The following PINX1 variants were observed in gnomAD, a reference collection of about 807,000 sequenced individuals.
PINX1 encodes PIN2 (TERF1) interacting telomerase inhibitor 1.
PINX1 carries 34 observed loss-of-function variants against 25.4 expected under a neutral mutation model. That is an observed-to-expected ratio of 1.34 (90% CI 1.02 to 1.78). PINX1 has a LOEUF of 1.78. Ranked by LOEUF, PINX1 falls within the 40% of genes most tolerant of loss-of-function variation. PINX1 has a pLI of 0.00. For synonymous variants in PINX1, 197 were observed against 147.7 expected, an observed-to-expected ratio of 1.33 and a Z score of -2.42; for missense variants, 592 against 404.9, an observed-to-expected ratio of 1.46 and a Z score of -3.97.
intron 1 of PINX1, 100 bp downstream of exon 1, chr8:10,839,638 G>C (rs1798509291): frequency 5.6e-6 from 7 of 1,239,868 alleles, no homozygotes; most frequent in Non-Finnish European, 8.1e-6. Context: ...TGCGCCAGGC[G>C]CGCCGGCAAC....
intron 6 of PINX1, among the ~76,000 whole-genome samples, chr8:10,792,958 G>A (rs1449164337): frequency 6.6e-6 from 1 of 152,124 alleles, no homozygotes; most frequent in Non-Finnish European, 1.5e-5. Flanking sequence ...ACCGCACACT[G>A]CACCTCAGCC....
rs1459168375 is a variant in PINX1 at position 10,831,763 on chromosome 8, G to T, written c.223-20C>A. On this transcript the variant is annotated intron_variant, in intron 3 of 6. Transcript: ENST00000314787. ...GTTGTCCTGAAAATATCAAAGAAAT[G>T]AACGAGAGGTAAGCCTGTAGTTTAC... 6.9e-7 allele frequency: 1 copy of T among 1,455,126 alleles called. No individual in the cohort carries two copies. The highest frequency in any genetic ancestry group is 9.5e-7 in the Non-Finnish European group (1 of 1,048,944). 90.1% of individuals were successfully genotyped at this position (1,455,126 alleles called of 1,614,324 possible).
chr8:10,800,440 G>A (rs1802230427), intron 6 of PINX1, among the ~76,000 whole-genome samples: 1 of 150,980 alleles, frequency 6.6e-6, no homozygotes, highest in African/African-American at 2.4e-5. Context: ...ATAGAATGGA[G>A]TTTATTTACA....
intron 6 of PINX1, among the ~76,000 whole-genome samples, chr8:10,803,737 G>T (rs1219568941): frequency 1.3e-5 from 2 of 152,158 alleles, no homozygotes; most frequent in South Asian, 4.1e-4. Context: ...TACTTCCGTG[G>T]TACTAAGGCT....
At chr8:10,783,969 C>T (rs10096939) in intron 6 of PINX1, among the ~76,000 whole-genome samples, 30,727 of 152,044 alleles carry the variant, frequency 0.2, 4,506 homozygotes, top group African/African-American at 0.41. Context: ...ATTTTATTCA[C>T]TAATGTTAAG....
At chr8:10,766,479 A>C (rs1396150952) in intron 6 of PINX1, among the ~76,000 whole-genome samples, 1 of 152,160 alleles carries the variant, frequency 6.6e-6, no homozygotes, top group Non-Finnish European at 1.5e-5. Flanking sequence ...TTTCTCCCCC[A>C]AAGGTGGAGC....
At chr8:10,801,995 AAGATGCAATGC>A (rs1359514483) in intron 6 of PINX1, among the ~76,000 whole-genome samples, 1 of 152,202 alleles carries the variant, frequency 6.6e-6, no homozygotes, top group Non-Finnish European at 1.5e-5. Flanking sequence ...GGAGAAGCAG[AAGATGCAATGC>A]ATGCCGTACA....
intron 6 of PINX1, among the ~76,000 whole-genome samples, chr8:10,772,097 T>C (rs981055317): frequency 2.0e-5 from 3 of 152,234 alleles, no homozygotes; most frequent in African/African-American, 4.8e-5. Flanking sequence ...ACACAAGCAA[T>C]GCCAGTAGAG....
In PINX1 at chr8:10,775,410, GTTTTTTTTTTTTT is replaced by G. The variant is rs143926728; in HGVS notation, c.472-9507_472-9495del. ...AAGGATTAGTTCTGTCTGTTTTGTG[GTTTTTTTTTTTTT>G]TTTTTTTTTTTTTTTTTGCCTTTAA... is the stretch of plus-strand genomic sequence containing the variant. On this transcript the variant is annotated intron_variant, in intron 6 of 6. Coordinates refer to ENST00000314787, the MANE Select transcript of PINX1 (RefSeq NM_017884.6). 7.2e-4 allele frequency among the ~76,000 whole-genome samples: 79 copies of G among 109,616 alleles called. 1 individual carries two copies. In the East Asian group the frequency reaches 0.019, roughly 26 times the overall value. The allele number at this position is 109,616 out of a possible 152,430, so 71.9% of individuals were successfully genotyped here. A position where few individuals can be genotyped will look rare whatever the true frequency, so the allele number is the denominator to read the frequency against.
At chr8:10,786,423 G>A (rs936817123) in intron 6 of PINX1, among the ~76,000 whole-genome samples, 1 of 152,176 alleles carries the variant, frequency 6.6e-6, no homozygotes, top group Non-Finnish European at 1.5e-5. Context: ...CGGTTCAAAC[G>A]TGACATTTCC....
At chr8:10,788,331 G>A (rs1037491024) in intron 6 of PINX1, among the ~76,000 whole-genome samples, 2 of 152,172 alleles carry the variant, frequency 1.3e-5, no homozygotes, top group Non-Finnish European at 2.9e-5. Flanking sequence ...GGAGGCCAAG[G>A]CAGGCAGATC....
At chr8:10,795,536 G>C (rs1157626604) in intron 6 of PINX1, among the ~76,000 whole-genome samples, 1 of 152,182 alleles carries the variant, frequency 6.6e-6, no homozygotes, top group Non-Finnish European at 1.5e-5. Context: ...AAGTAGCTGG[G>C]ACTACAGGCA....
rs993649086 is a variant in PINX1 at position 10,770,662 on chromosome 8, A to C, written c.472-4746T>G. Among the ~76,000 whole-genome samples the C allele has an allele frequency of 2.0e-5, 3 of 152,218 alleles. No homozygotes were observed. In the East Asian group the frequency reaches 5.8e-4, roughly 29 times the overall value. Reference sequence around the variant, plus strand: ...AATGCCCAAATAGAGAGGATTCTCCATTATTCTCAAAAGAATCTTTTGGGG... The same window carrying C: ...AATGCCCAAATAGAGAGGATTCTCCCTTATTCTCAAAAGAATCTTTTGGGG... On this transcript the variant is annotated intron_variant, in intron 6 of 6. Coordinates refer to ENST00000314787, the MANE Select transcript of PINX1 (RefSeq NM_017884.6).
intron 6 of PINX1, among the ~76,000 whole-genome samples, chr8:10,773,145 C>T (rs1801282507): frequency 6.6e-6 from 1 of 152,200 alleles, no homozygotes; most frequent in Non-Finnish European, 1.5e-5. Context: ...AAAATCGGCT[C>T]TGTGACTGTG....
intron 6 of PINX1, among the ~76,000 whole-genome samples, chr8:10,817,990 G>C (rs2409656): frequency 0.26 from 39,645 of 152,050 alleles, 5,493 homozygotes; most frequent in Non-Finnish European, 0.28. Context: ...GACCCTGACC[G>C]AAGATTTAAT....
At chr8:10,778,838 T>C (rs2129073242) in intron 6 of PINX1, among the ~76,000 whole-genome samples, 1 of 152,322 alleles carries the variant, frequency 6.6e-6, no homozygotes, top group African/African-American at 2.4e-5. Flanking sequence ...GTTAAATCTT[T>C]GTTTTGTCCC....
At chr8:10,838,114 C>G (rs1275349419) in intron 1 of PINX1, among the ~76,000 whole-genome samples, 2 of 152,184 alleles carry the variant, frequency 1.3e-5, no homozygotes, top group Admixed American at 6.5e-5. Context: ...ACTGCCTGAC[C>G]ACATAGCAGG....
chr8:10,786,385 A>G (rs547849704), intron 6 of PINX1, among the ~76,000 whole-genome samples: 2 of 152,282 alleles, frequency 1.3e-5, no homozygotes, highest in African/African-American at 4.8e-5. Flanking sequence ...AAACAGGGGA[A>G]TGGTGCCAGT....
intron 6 of PINX1, among the ~76,000 whole-genome samples, chr8:10,789,827 A>G (rs952107197): frequency 3.5e-4 from 53 of 152,148 alleles, no homozygotes; most frequent in Non-Finnish European, 5.7e-4. Flanking sequence ...CACTGTGGTT[A>G]TCTCTGGCTG....
Sources: gnomAD v4.1 joint callset for allele counts (sites outside exome capture counted in the v4.1 genomes callset) on GRCh38, gnomAD v4.1.1 for gene constraint, MANE v1.5 for transcripts, NCBI Gene and HGNC (gene_info 2026-07-23, HGNC 2026-07-21) for gene names.